The following RGL1 variants were observed in gnomAD, a reference collection of about 807,000 sequenced individuals.
RGL1 encodes ral guanine nucleotide dissociation stimulator like 1.
A neutral mutation model predicts 95.2 loss-of-function variants in RGL1; 24 were observed. That is an observed-to-expected ratio of 0.25 (90% CI 0.18 to 0.35). RGL1 has a LOEUF of 0.35. Among genes scored for constraint, RGL1 ranks in the 10% least tolerant of loss-of-function variants. The probability of loss-of-function intolerance (pLI) is 1.00; values close to 1 mark genes in which losing one functional copy is unlikely to be tolerated. For missense variants in RGL1, 715 were observed against 936.3 expected (o/e 0.76, Z 3.08); for synonymous variants, 329 against 344.9 (o/e 0.95, Z 0.51).
chr1:183,761,418 G>T (rs1003879002), intron 2 of RGL1, among the ~76,000 whole-genome samples: 1 of 152,318 alleles, frequency 6.6e-6, no homozygotes, highest in South Asian at 2.1e-4. Flanking sequence ...CATTGTCAAT[G>T]AGCAGTAATA....
intron 2 of RGL1, among the ~76,000 whole-genome samples, chr1:183,783,473 C>T (rs1226335617): frequency 6.6e-6 from 1 of 152,136 alleles, no homozygotes; most frequent in Non-Finnish European, 1.5e-5. Flanking sequence ...AGCCCTTGCC[C>T]TCCATGCTTC....
intron 16 of RGL1, among the ~76,000 whole-genome samples, chr1:183,921,287 A>G (rs1669297090): frequency 6.6e-6 from 1 of 152,162 alleles, no homozygotes; most frequent in Non-Finnish European, 1.5e-5. Context: ...CAGATCTTAA[A>G]TGTTTGATTC....
intron 1 of RGL1, among the ~76,000 whole-genome samples, chr1:183,649,265 T>C (rs975468781): frequency 2.0e-5 from 3 of 152,244 alleles, no homozygotes; most frequent in African/African-American, 7.2e-5. Flanking sequence ...ACTAATGTGC[T>C]TGTCACATAG....
chr1:183,828,341 A>C (rs922412647), intron 2 of RGL1, among the ~76,000 whole-genome samples: 3 of 152,046 alleles, frequency 2.0e-5, no homozygotes, highest in African/African-American at 7.2e-5. Flanking sequence ...CCCTTCCAGC[A>C]CCCCGTAAGT....
At chr1:183,917,375 G>A (rs1001613361) in intron 16 of RGL1, among the ~76,000 whole-genome samples, 2 of 152,222 alleles carry the variant, frequency 1.3e-5, no homozygotes, top group African/African-American at 4.8e-5. Context: ...TTGGGTATGT[G>A]AGGTCTGGTA....
chr1:183,667,245 A>G (rs1024657881), intron 1 of RGL1, among the ~76,000 whole-genome samples: 2 of 151,260 alleles, frequency 1.3e-5, no homozygotes, highest in African/African-American at 2.5e-5. Context: ...TTTAAACAAC[A>G]TATAGCCAGG....
At chr1:183,763,811 T>C (rs976699374) in intron 2 of RGL1, among the ~76,000 whole-genome samples, 8 of 152,192 alleles carry the variant, frequency 5.3e-5, no homozygotes, top group African/African-American at 1.7e-4. Flanking sequence ...TGTTATTGAG[T>C]GAATCAGTGG....
At chr1:183,715,054 A>G (rs1233020759) in intron 1 of RGL1, among the ~76,000 whole-genome samples, 1 of 152,164 alleles carries the variant, frequency 6.6e-6, no homozygotes, top group Admixed American at 6.5e-5. Flanking sequence ...AGGAATGAGG[A>G]AACCGGGGCT....
chr1:183,733,174 A>T (rs1315060872), intron 1 of RGL1, among the ~76,000 whole-genome samples: 1 of 152,116 alleles, frequency 6.6e-6, no homozygotes, highest in Non-Finnish European at 1.5e-5. Context: ...TAAAGGACAA[A>T]TGGGGCTCTC....
chr1:183,670,440 A>G (rs530946429), intron 1 of RGL1, among the ~76,000 whole-genome samples: 1 of 152,336 alleles, frequency 6.6e-6, no homozygotes, highest in South Asian at 2.1e-4. Flanking sequence ...GCTGTCAGGT[A>G]GAGCTCCTGG....
intron 2 of RGL1, among the ~76,000 whole-genome samples, chr1:183,775,659 T>G (rs534217377): frequency 6.6e-6 from 1 of 152,354 alleles, no homozygotes; most frequent in Admixed American, 6.5e-5. Context: ...TCTCAGTCTT[T>G]TCATCTATAA....
chr1:183,869,630 T>C (rs1299181674), intron 4 of RGL1, among the ~76,000 whole-genome samples: 1 of 152,196 alleles, frequency 6.6e-6, no homozygotes, highest in Non-Finnish European at 1.5e-5. Context: ...CACTGTTTTT[T>C]CCCCACATCT....
intron 14 of RGL1, among the ~76,000 whole-genome samples, 181 bp downstream of exon 14, chr1:183,907,282 C>G (rs1022468074): frequency 2.0e-5 from 3 of 152,208 alleles, no homozygotes; most frequent in African/African-American, 7.2e-5. Context: ...CTTCTCCACT[C>G]CCCTCTCTGT....
chr1:183,921,123 G>A (rs193250785), intron 16 of RGL1, among the ~76,000 whole-genome samples: 1 of 152,220 alleles, frequency 6.6e-6, no homozygotes, highest in East Asian at 1.9e-4. Context: ...TTCTTTTCAG[G>A]TTGCTCTGCA....
intron 2 of RGL1, among the ~76,000 whole-genome samples, chr1:183,753,581 C>T (rs1348750841): frequency 6.6e-6 from 1 of 152,084 alleles, no homozygotes; most frequent in Non-Finnish European, 1.5e-5. Flanking sequence ...TAGATAGATA[C>T]CTGCACAGGA....
chr1:183,856,250 A>G (rs1665134249), intron 3 of RGL1, among the ~76,000 whole-genome samples: 1 of 152,010 alleles, frequency 6.6e-6, no homozygotes, highest in Non-Finnish European at 1.5e-5. Flanking sequence ...TCCTAGGCAA[A>G]AAAACCCAAA....
At chr1:183,849,948 T>A (rs1310215212) in intron 3 of RGL1, among the ~76,000 whole-genome samples, 3 of 152,168 alleles carry the variant, frequency 2.0e-5, no homozygotes, top group African/African-American at 7.2e-5. Flanking sequence ...ACTGCCAGAT[T>A]GCACCAGTGA....
chr1:183,909,759 T>C (rs935981769), intron 14 of RGL1, among the ~76,000 whole-genome samples: 2 of 152,206 alleles, frequency 1.3e-5, no homozygotes, highest in African/African-American at 2.4e-5. Context: ...TAGTCAGTAC[T>C]TGTTTAGGTT....
rs1044087851 is a variant in RGL1, at chr1:183,847,512, A to G, written c.139-54A>G. 3.4e-6 allele frequency: 5 copies of G among 1,453,342 alleles called. No individual in the cohort carries two copies. In the African/African-American group the frequency reaches 7.0e-5, roughly 20 times the overall value. The allele number at this position is 1,453,342 out of a possible 1,614,324, so 90.0% of individuals were successfully genotyped here. Reference sequence around the variant, plus strand: ...GCCTTCAACTATTTCAATGCTTCCAATTTTACTTTAGGGAGTCATTTCTCC... The same window carrying G: ...GCCTTCAACTATTTCAATGCTTCCAGTTTTACTTTAGGGAGTCATTTCTCC... On this transcript the variant is annotated intron_variant, in intron 2 of 17. Transcript: ENST00000360851.
Sources: allele counts gnomAD v4.1 joint callset (sites outside exome capture counted in the v4.1 genomes callset), GRCh38; gene constraint gnomAD v4.1.1; transcripts MANE v1.5; gene names NCBI Gene and HGNC (gene_info 2026-07-23, HGNC 2026-07-21).